Variants in SRPX observed in about 807,000 individuals in gnomAD.
The protein encoded by SRPX is sushi repeat-containing protein SRPX.
A neutral mutation model predicts 38.1 loss-of-function variants in SRPX; 24 were observed. That is an observed-to-expected ratio of 0.63 (90% CI 0.46 to 0.89). SRPX has a LOEUF of 0.89. Among genes scored for constraint, SRPX ranks in the 40% least tolerant of loss-of-function variants. The pLI is 0.00. For missense variants in SRPX, 416 were observed against 377.8 expected (o/e 1.10, Z -0.84); for synonymous variants, 184 against 153.8 (o/e 1.20, Z -1.45).
At chrX:38,202,783 A>C (rs772090251) in intron 1 of SRPX, among the ~76,000 whole-genome samples, 2 of 112,528 alleles carry the variant, frequency 1.8e-5, no homozygotes, top group South Asian at 3.7e-4. Context: ...AACTCACTCA[A>C]GATGAATAGA....
chrX:38,165,866 T>C (rs1354760373), intron 4 of SRPX, among the ~76,000 whole-genome samples: 1 of 112,092 alleles, frequency 8.9e-6, no homozygotes, highest in East Asian at 2.8e-4. Flanking sequence ...CTTCAAGTAG[T>C]TTCTCTACCT....
Position 38,157,023 on chromosome X carries a change from T to C in SRPX, c.962A>G (p.Asn321Ser). ...TGCCGTTCTGACACCCACATTGACG[T>C]TCATGGCTGTAATCAGAAATGGCCA... ...SGTEPTCAAM[N>S]VNVGVRTAAA... The change falls in exon 8 of 10, where the codon AAC becomes AGC. Residue 321 changes from asparagine (N) to serine (S), a missense_variant. By Grantham distance (46) the Asn-to-Ser change is conservative. Coordinates refer to ENST00000378533, the MANE Select transcript of SRPX (RefSeq NM_006307.5). 1 of 1,210,969 alleles carries C rather than the reference T, an allele frequency of 8.3e-7. No homozygotes were observed. The highest frequency in any genetic ancestry group is 1.1e-6 in the Non-Finnish European group (1 of 895,181).
Position 38,171,933 on chromosome X carries a change from G to C in SRPX, c.474C>G (p.Thr158=). 8.3e-7 allele frequency: 1 copy of C among 1,211,526 alleles called. No individual in the cohort carries two copies. Among genetic ancestry groups the C allele is most frequent in the Admixed American group, 2.2e-5 (1 of 46,002 alleles). ...AGGCCTTGTTGTCCATACATGTGAC[G>C]GTCCGCTCCCCTTTCAACGTGTATC... ...SPGYTLKGER[T]VTCMDNKAWS... is the part of the protein sequence containing the mutation. The change falls in exon 4 of 10, where the codon ACC becomes ACG. Residue 158 remains threonine, a synonymous_variant. Coordinates refer to ENST00000378533, the MANE Select transcript of SRPX (RefSeq NM_006307.5).
At chrX:38,201,969 G>A (rs913379257) in intron 1 of SRPX, among the ~76,000 whole-genome samples, 13 of 112,029 alleles carry the variant, frequency 1.2e-4, no homozygotes, top group African/African-American at 4.2e-4. Context: ...CTCTAAGAGT[G>A]GAAAAGAAGA....
At chrX:38,187,153 A>G (rs185552316) in intron 1 of SRPX, among the ~76,000 whole-genome samples, 1,304 of 112,005 alleles carry the variant, frequency 0.012, 30 homozygotes, top group African/African-American at 0.041. Flanking sequence ...TAATTATGTG[A>G]GTATAAATTG....
intron 1 of SRPX, among the ~76,000 whole-genome samples, chrX:38,185,439 G>A (rs981332625): frequency 8.9e-6 from 1 of 112,225 alleles, no homozygotes; most frequent in East Asian, 2.8e-4. Context: ...GGTACAGTAT[G>A]AAGGACATTT....
chrX:38,153,302 CTTTTTTTTTTTT>C (rs58888978), intron 9 of SRPX, among the ~76,000 whole-genome samples: 9 of 54,740 alleles, frequency 1.6e-4, no homozygotes, highest in East Asian at 5.5e-4. Context: ...TTCTTTCTTT[CTTTTTTTTTTTT>C]TTTTTTTTTT....
chrX:38,169,681 C>T (rs770789976), intron 4 of SRPX, among the ~76,000 whole-genome samples: 1 of 111,593 alleles, frequency 9.0e-6, no homozygotes, highest in South Asian at 3.7e-4. Flanking sequence ...GTCAAAAGAC[C>T]TTTGCTGGTT....
chrX:38,186,830 T>C (rs776741164), intron 1 of SRPX, among the ~76,000 whole-genome samples: 1 of 111,856 alleles, frequency 8.9e-6, no homozygotes, highest in East Asian at 2.8e-4. Flanking sequence ...CAAAGGTGAG[T>C]GGAAGGACAA....
In SRPX at chrX:38,198,782, T is replaced by C. The variant is rs748429284; in HGVS notation, c.98-20438A>G. 3.6e-5 allele frequency among the ~76,000 whole-genome samples: 4 copies of C among 111,683 alleles called. No homozygotes were observed. In the South Asian group the frequency reaches 1.5e-3, roughly 43 times the overall value. ...CTCGTTGCATAATAAAGGACATTAC[T>C]AACATATTAAGTTCTGGGGCCCGAG... is the stretch of plus-strand genomic sequence containing the variant. On this transcript the variant is annotated intron_variant, in intron 1 of 9. Transcript: ENST00000378533.
At chrX:38,165,650 C>A (rs936927785) in intron 4 of SRPX, among the ~76,000 whole-genome samples, 2 of 112,193 alleles carry the variant, frequency 1.8e-5, no homozygotes, top group Admixed American at 9.5e-5. Context: ...CTGTGAATTA[C>A]AATCTAAGTC....
chrX:38,195,274 G>T (rs781148916), intron 1 of SRPX, among the ~76,000 whole-genome samples: 2 of 110,923 alleles, frequency 1.8e-5, no homozygotes, highest in Non-Finnish European at 3.8e-5. Flanking sequence ...AGGAGATAGC[G>T]AAAGGAAAAG....
At chrX:38,155,002 C>T (rs997300584) in intron 8 of SRPX, among the ~76,000 whole-genome samples, 1 of 110,980 alleles carries the variant, frequency 9.0e-6, no homozygotes, top group Non-Finnish European at 1.9e-5. Context: ...ATGCCCTCCA[C>T]ACCCAATCCC....
chrX:38,180,301 C>A (rs969314324), intron 1 of SRPX, among the ~76,000 whole-genome samples: 2 of 111,608 alleles, frequency 1.8e-5, no homozygotes, highest in African/African-American at 6.5e-5. Flanking sequence ...CAAATGACAA[C>A]AGTTTCCCGA....
chrX:38,159,885 G>T, intron 7 of SRPX, 132 bp downstream of exon 7: 1 of 722,849 alleles, frequency 1.4e-6, no homozygotes, highest in Non-Finnish European at 2.0e-6. Flanking sequence ...TAGGGACTAT[G>T]TTCATCCACT....
intron 5 of SRPX, among the ~76,000 whole-genome samples, chrX:38,163,573 C>G (rs1474140068): frequency 9.0e-6 from 1 of 111,670 alleles, no homozygotes; most frequent in African/African-American, 3.3e-5. Flanking sequence ...TAGAACAACA[C>G]ATAGCTAACC....
intron 8 of SRPX, 81 bp from the exon 9 acceptor site, chrX:38,154,664 C>T (rs1805169280): frequency 1.8e-6 from 2 of 1,102,569 alleles, no homozygotes; most frequent in Non-Finnish European, 1.2e-6. Context: ...CCGACAGAAG[C>T]AGCACTGGCC....
At chrX:38,167,028 C>T (rs1344321115) in intron 4 of SRPX, among the ~76,000 whole-genome samples, 1 of 111,683 alleles carries the variant, frequency 9.0e-6, no homozygotes, top group African/African-American at 3.3e-5. Flanking sequence ...AGAAATAAAT[C>T]ATTACAAATA....
intron 1 of SRPX, among the ~76,000 whole-genome samples, chrX:38,183,018 A>T (rs917268379): frequency 3.6e-5 from 4 of 110,827 alleles, no homozygotes; most frequent in Non-Finnish European, 7.6e-5. Context: ...AAACTGATAC[A>T]CAAATGAATG....
Sources: allele counts gnomAD v4.1 joint callset (sites outside exome capture counted in the v4.1 genomes callset), GRCh38; gene constraint gnomAD v4.1.1; transcripts MANE v1.5; gene names NCBI Gene and HGNC (gene_info 2026-07-23, HGNC 2026-07-21).